KIF6: variants seen among roughly 807,000 people sequenced by gnomAD.
KIF6 encodes kinesin family member 6.
Under a neutral mutation model 112.7 loss-of-function variants are expected in KIF6, and 106 were observed. That is an observed-to-expected ratio of 0.94 (90% CI 0.80 to 1.11). KIF6 has a LOEUF of 1.11. Ranked by LOEUF, KIF6 falls within the 50% of genes least tolerant of loss-of-function variation. The pLI is 0.00. For missense variants in KIF6, 929 were observed against 964.0 expected, an observed-to-expected ratio of 0.96 and a Z score of 0.48; for synonymous variants, 339 against 339.9, an observed-to-expected ratio of 1.00 and a Z score of 0.03.
At chr6:39,452,058 A>T (rs746375387) in intron 13 of KIF6, among the ~76,000 whole-genome samples, 1 of 152,188 alleles carries the variant, frequency 6.6e-6, no homozygotes, top group Non-Finnish European at 1.5e-5. Flanking sequence ...TCCATGAAAT[A>T]GGGCTAATGT....
intron 16 of KIF6, among the ~76,000 whole-genome samples, chr6:39,367,587 G>A (rs903308359): frequency 1.2e-4 from 18 of 152,044 alleles, no homozygotes; most frequent in Non-Finnish European, 2.4e-4. Flanking sequence ...AAGTTGGGAG[G>A]ACGCACAGAC....
At chr6:39,567,889 G>A (rs1442026174) in intron 10 of KIF6, among the ~76,000 whole-genome samples, 1 of 152,208 alleles carries the variant, frequency 6.6e-6, no homozygotes, top group Non-Finnish European at 1.5e-5. Context: ...TTACAGGTGT[G>A]AGCCACTGAG....
chr6:39,523,514 C>T (rs1420513741), intron 13 of KIF6, among the ~76,000 whole-genome samples: 1 of 151,400 alleles, frequency 6.6e-6, no homozygotes, highest in African/African-American at 2.4e-5. Flanking sequence ...ACAAACCCTA[C>T]AATCCAACCC....
chr6:39,411,037 G>A (rs1001667182), intron 15 of KIF6, among the ~76,000 whole-genome samples: 1 of 90,700 alleles, frequency 1.1e-5, no homozygotes, highest in African/African-American at 3.1e-5. Context: ...ACACAAATTG[G>A]TCCAGTCAAA....
rs74899457 is a variant in KIF6, at chr6:39,573,016, C to T, written c.1181+5040G>A. On this transcript the variant is annotated intron_variant, in intron 10 of 22. Transcript: ENST00000287152. ...GCACAATTCATACTAGATAAAATAC[C>T]GTATCTACTAAATATCTGCTTTCTG... Among the ~76,000 whole-genome samples, 1,022 of 149,506 alleles carry T rather than the reference C, an allele frequency of 6.8e-3. 10 individuals carry two copies. Among genetic ancestry groups the T allele is most frequent in the African/African-American group, 0.024 (974 of 40,492 alleles).
At chr6:39,517,909 A>G (rs1777170815) in intron 13 of KIF6, among the ~76,000 whole-genome samples, 1 of 152,180 alleles carries the variant, frequency 6.6e-6, no homozygotes, top group South Asian at 2.1e-4. Flanking sequence ...TCACAAAAAA[A>G]CCACATTAGG....
intron 19 of KIF6, among the ~76,000 whole-genome samples, chr6:39,351,857 G>A (rs1376741605): frequency 1.3e-5 from 2 of 152,198 alleles, no homozygotes; most frequent in African/African-American, 4.8e-5. Context: ...AGCAATGATT[G>A]AGGAAGCTGA....
rs34059104 is a variant in KIF6 at position 39,714,756 on chromosome 6, T to C, written c.187A>G (p.Ile63Val). 406 of 1,610,634 alleles carry C rather than the reference T, an allele frequency of 2.5e-4. 1 individual carries two copies. The African/African-American group carries it at 4.9e-3, about 19-fold the overall frequency. ...RESYKFKFQR[I>V]FDQDANQETV... ...TCTTGGTTTGCATCCTGATCAAAAA[T>C]TCTTTGAAATCTGCAATGTGAAAAA... The change falls in exon 3 of 23, where the codon ATT becomes GTT. Residue 63 changes from isoleucine (I) to valine (V), a missense_variant. Around this residue, in one of 2 missense-constraint regions of KIF6, gnomAD observed 688 missense variants for 662.7 expected, o/e 1.04. Coordinates refer to ENST00000287152, the MANE Select transcript of KIF6 (RefSeq NM_145027.6).
chr6:39,551,978 CTT>C (rs1477926506), intron 10 of KIF6, among the ~76,000 whole-genome samples: 4 of 152,208 alleles, frequency 2.6e-5, no homozygotes, highest in Non-Finnish European at 5.9e-5. Context: ...GGCTATGAGA[CTT>C]TTGAAAATAT....
intron 3 of KIF6, among the ~76,000 whole-genome samples, chr6:39,684,013 A>G (rs1404603069): frequency 6.6e-6 from 1 of 152,214 alleles, no homozygotes; most frequent in East Asian, 1.9e-4. Flanking sequence ...TAATGAAAGA[A>G]TGTTCCAATT....
At chr6:39,628,508 C>T (rs944843777) in intron 5 of KIF6, among the ~76,000 whole-genome samples, 2 of 152,096 alleles carry the variant, frequency 1.3e-5, no homozygotes, top group African/African-American at 4.8e-5. Context: ...TTGACCTTGT[C>T]CAACCATTCC....
chr6:39,709,423 T>G (rs1446077284), intron 3 of KIF6, among the ~76,000 whole-genome samples: 1 of 152,198 alleles, frequency 6.6e-6, no homozygotes, highest in Non-Finnish European at 1.5e-5. Flanking sequence ...TGTGCTCCTA[T>G]GAGGATCTAA....
At chr6:39,603,540 T>TG (rs1782700673) in intron 6 of KIF6, among the ~76,000 whole-genome samples, 1 of 151,014 alleles carries the variant, frequency 6.6e-6, no homozygotes, top group South Asian at 2.1e-4. Flanking sequence ...TTTTTTTTTG[T>TG]GGGGGGTGTG....
Position 39,333,744 on chromosome 6 carries a change from C to T in KIF6, c.*2788G>A, listed in dbSNP as rs1383169725. Reference sequence around the variant, plus strand: ...AAGATCTGGGCAAGCTACATTTTAACTTCCCTCCTCCAACCTCCGTCCACC... The same window carrying T: ...AAGATCTGGGCAAGCTACATTTTAATTTCCCTCCTCCAACCTCCGTCCACC... On this transcript the variant is annotated 3_prime_UTR_variant, in exon 23 of 23. Transcript: ENST00000287152. 1 of 152,260 alleles carries T rather than the reference C, an allele frequency of 6.6e-6. No individual in the cohort carries two copies. Among genetic ancestry groups the T allele is most frequent in the African/African-American group, 2.4e-5 (1 of 41,470 alleles). 9.4% of individuals were successfully genotyped at this position (152,260 alleles called of 1,614,324 possible). A position where few individuals can be genotyped will look rare whatever the true frequency, so the allele number is the denominator to read the frequency against.
intron 13 of KIF6, among the ~76,000 whole-genome samples, chr6:39,449,539 A>C (rs578057224): frequency 6.6e-6 from 1 of 152,290 alleles, no homozygotes; most frequent in South Asian, 2.1e-4. Flanking sequence ...CCTTGTCCCC[A>C]ACCCACCACA....
intron 13 of KIF6, among the ~76,000 whole-genome samples, chr6:39,497,050 C>T (rs573700931): frequency 2.0e-5 from 3 of 152,350 alleles, no homozygotes; most frequent in African/African-American, 7.2e-5. Context: ...GTGCAGGAGC[C>T]GTGTGGCCAT....
intron 13 of KIF6, among the ~76,000 whole-genome samples, chr6:39,450,211 G>A (rs1457589993): frequency 6.6e-6 from 1 of 152,094 alleles, no homozygotes; most frequent in African/African-American, 2.4e-5. Flanking sequence ...AATGCTATGG[G>A]GTCATCCAAG....
At chr6:39,478,221 A>C (rs373128736) in intron 13 of KIF6, among the ~76,000 whole-genome samples, 4 of 151,844 alleles carry the variant, frequency 2.6e-5, no homozygotes, top group South Asian at 4.2e-4. Flanking sequence ...CAAGTCCCCA[A>C]AGTCCATTGT....
At chr6:39,678,035 A>C in intron 3 of KIF6, among the ~76,000 whole-genome samples, 1 of 152,060 alleles carries the variant, frequency 6.6e-6, no homozygotes, top group Non-Finnish European at 1.5e-5. Flanking sequence ...TATGCAGCCA[A>C]AAAACACATG....
Sources: gnomAD v4.1 joint callset for allele counts (sites outside exome capture counted in the v4.1 genomes callset) on GRCh38, gnomAD v4.1.1 for gene constraint, gnomAD v4.1.1 regional missense constraint, MANE v1.5 for transcripts, NCBI Gene and HGNC (gene_info 2026-07-23, HGNC 2026-07-21) for gene names.